Variants in NAV1 observed in about 807,000 individuals in gnomAD.
NAV1 encodes the protein neuron navigator 1, also known as pore membrane and/or filament interacting like protein 3.
In NAV1, 18 loss-of-function variants were observed where a neutral mutation model predicts 175.2. The ratio of observed to expected loss-of-function variants is 0.10; its 90% CI spans 0.07 to 0.15. The LOEUF is 0.15. Among genes scored for constraint, NAV1 ranks in the 10% least tolerant of loss-of-function variants. The probability of loss-of-function intolerance (pLI) is 1.00; values close to 1 mark genes in which losing one functional copy is unlikely to be tolerated. For missense variants in NAV1, 1,731 were observed against 2,436.6 expected, an observed-to-expected ratio of 0.71 and a Z score of 6.10; for synonymous variants, 897 against 978.7, an observed-to-expected ratio of 0.92 and a Z score of 1.56.
chr1:201,776,959 G>A (rs1302934051), intron 3 of NAV1, among the ~76,000 whole-genome samples: 1 of 152,068 alleles, frequency 6.6e-6, no homozygotes. Flanking sequence ...AAAAAAACAG[G>A]TCACATACAA....
At chr1:201,651,594 T>G (rs1034152380) in intron 1 of NAV1, among the ~76,000 whole-genome samples, 1 of 152,190 alleles carries the variant, frequency 6.6e-6, no homozygotes, top group Admixed American at 6.5e-5. Flanking sequence ...ATTGAGGGCC[T>G]TAAAGGCATC....
chr1:201,668,229 G>A (rs1016264719), intron 1 of NAV1, among the ~76,000 whole-genome samples: 4 of 152,122 alleles, frequency 2.6e-5, no homozygotes, highest in Non-Finnish European at 5.9e-5. Flanking sequence ...AGATCTAGGA[G>A]GCTCCCATCC....
intron 3 of NAV1, chr1:201,724,433 A>G (rs923214427): frequency 7.2e-5 from 11 of 152,166 alleles, no homozygotes; most frequent in African/African-American, 2.4e-4. Flanking sequence ...TCTTCTCCCT[A>G]CTTTAATGTG....
At chr1:201,602,633 C>T (rs620776) in intron 2 of NAV1, among the ~76,000 whole-genome samples, 46,829 of 144,426 alleles carry the variant, frequency 0.32, 9,273 homozygotes, top group East Asian at 0.55. Context: ...TAGACTTAAG[C>T]TATGTTTTTT....
intron 3 of NAV1, among the ~76,000 whole-genome samples, chr1:201,744,721 A>G (rs891259492): frequency 6.6e-6 from 1 of 152,150 alleles, no homozygotes; most frequent in Non-Finnish European, 1.5e-5. Flanking sequence ...AAGAGAAACT[A>G]AGAGTTTTCC....
intron 1 of NAV1, among the ~76,000 whole-genome samples, chr1:201,663,338 G>C (rs573052895): frequency 6.6e-6 from 1 of 152,162 alleles, no homozygotes; most frequent in Admixed American, 6.5e-5. Flanking sequence ...TCAAAGGGTA[G>C]CACCTTATGT....
chr1:201,628,429 A>G (rs564230568), intron 1 of NAV1, among the ~76,000 whole-genome samples: 1 of 151,608 alleles, frequency 6.6e-6, no homozygotes, highest in African/African-American at 2.4e-5. Context: ...CCCAGAGAGG[A>G]GAAGAGATCT....
intron 2 of NAV1, among the ~76,000 whole-genome samples, chr1:201,607,218 C>A (rs912165437): frequency 2.0e-5 from 3 of 149,820 alleles, no homozygotes; most frequent in Non-Finnish European, 4.4e-5. Flanking sequence ...CAGGTTTAAG[C>A]GATTCTCCTG....
intron 1 of NAV1, among the ~76,000 whole-genome samples, chr1:201,557,280 AAAC>A (rs1294925182): frequency 6.6e-6 from 1 of 152,194 alleles, no homozygotes; most frequent in Admixed American, 6.5e-5. Context: ...TCCTTTTGTG[AAAC>A]AATGCAAGAG....
chr1:201,648,710 G>A, exon 1 of NAV1: 2 of 1,423,400 alleles, frequency 1.4e-6, no homozygotes, highest in Non-Finnish European at 1.8e-6. Flanking sequence ...CCGAGGTGGA[G>A]CTGAGCAGCG....
Position 201,788,747 on chromosome 1 carries a change from A to G in NAV1, c.3166+109A>G. 7.8e-7 allele frequency: 1 copy of G among 1,289,920 alleles called. No individual in the cohort carries two copies. Among genetic ancestry groups the G allele is most frequent in the Non-Finnish European group, 1.1e-6 (1 of 941,540 alleles). The allele number at this position is 1,289,920 out of a possible 1,614,324, so 79.9% of individuals were successfully genotyped here. On this transcript the variant is annotated intron_variant, in intron 10 of 29. Coordinates refer to ENST00000367296, the Ensembl canonical transcript of NAV1. This position sits in a 1 kb window ranked among gnomAD's most constrained non-coding sequence, Gnocchi z 5.7. ...ACCACCACACACATATATGATTCAC[A>G]GAACATCAAGTTGGGCCATTTCAGT...
Position 201,718,731 on chromosome 1 carries a change from C to T in NAV1, c.1202C>T (p.Thr401Met), listed in dbSNP as rs1558094773. Reference sequence around the variant, plus strand: ...AGTGACCTCATGGGCAAGACCATGACGGAGGATGATGACATCACTACCGGG... The same window carrying T: ...AGTGACCTCATGGGCAAGACCATGATGGAGGATGATGACATCACTACCGGG... The change falls in exon 3 of 30, where the codon ACG (threonine) becomes ATG (methionine). Residue 401 changes from threonine (T) to methionine (M), a missense_variant. Physicochemically the swap from Thr to Met is moderately conservative, Grantham distance 81 (BLOSUM62 -1). Coordinates refer to ENST00000367296, the Ensembl canonical transcript of NAV1. This position sits in a 1 kb window ranked among gnomAD's most constrained non-coding sequence, Gnocchi z 4.8. The T allele has an allele frequency of 8.1e-6, 13 of 1,611,866 alleles. No individual in the cohort carries two copies. The highest frequency in any genetic ancestry group is 1.3e-5 in the African/African-American group (1 of 74,988).
rs1161107245 is a variant in NAV1, at chr1:201,648,523, C to G, written c.-146C>G. The G allele has an allele frequency of 4.8e-6, 6 of 1,244,216 alleles. No homozygotes were observed. The Admixed American group carries it at 2.5e-4, about 52-fold the overall frequency. 77.1% of individuals were successfully genotyped at this position (1,244,216 alleles called of 1,614,324 possible). ...CTCTCCCTCCTCCCTCGCTCTCTCC[C>G]CCTTCTCTCCCCTTCTTCCTCGGTT... On this transcript the variant is annotated 5_prime_UTR_variant, in exon 1 of 30. Coordinates refer to ENST00000367296, the Ensembl canonical transcript of NAV1.
intron 3 of NAV1, chr1:201,739,972 C>G: frequency 9.0e-6 from 13 of 1,440,082 alleles, no homozygotes; most frequent in Non-Finnish European, 1.2e-5. Flanking sequence ...CGAGAGCGGT[C>G]CTGGGGGGCG....
chr1:201,638,090 G>A (rs1012084455), intron 2 of NAV1, among the ~76,000 whole-genome samples: 1 of 152,126 alleles, frequency 6.6e-6, no homozygotes, highest in East Asian at 1.9e-4. Context: ...CTGAGCAGAG[G>A]GAGCAGAGAT....
chr1:201,725,199 G>T (rs992213567), intron 3 of NAV1, among the ~76,000 whole-genome samples: 4 of 152,236 alleles, frequency 2.6e-5, no homozygotes, highest in Non-Finnish European at 4.4e-5. Context: ...TGTACAAAGA[G>T]AAGAGACCCC....
At chr1:201,640,948 TGAC>T (rs1668736809) in intron 2 of NAV1, among the ~76,000 whole-genome samples, 1 of 152,176 alleles carries the variant, frequency 6.6e-6, no homozygotes, top group African/African-American at 2.4e-5. Flanking sequence ...AATAGGTGAA[TGAC>T]GAATGACAGC....
chr1:201,657,652 CG>C (rs1313450704), intron 1 of NAV1, among the ~76,000 whole-genome samples: 1 of 152,188 alleles, frequency 6.6e-6, no homozygotes, highest in African/African-American at 2.4e-5. Context: ...CGGCACCTGG[CG>C]GGGCTTTCTC....
At chr1:201,728,935 A>T (rs1349864585) in intron 3 of NAV1, among the ~76,000 whole-genome samples, 1 of 152,228 alleles carries the variant, frequency 6.6e-6, no homozygotes, top group Non-Finnish European at 1.5e-5. Flanking sequence ...CTAGCTAAGG[A>T]GTGCTCCTTC....
Sources: gnomAD v4.1 joint callset for allele counts (sites outside exome capture counted in the v4.1 genomes callset) on GRCh38, gnomAD v4.1.1 for gene constraint, Gnocchi (gnomAD v3.1) non-coding constraint, MANE v1.5 for transcripts, NCBI Gene and HGNC (gene_info 2026-07-23, HGNC 2026-07-21) for gene names.